Variants in MPPE1 observed in about 807,000 individuals in gnomAD.
The protein encoded by MPPE1 is metallo phosphoesterase.
In MPPE1, 28 loss-of-function variants were observed where a neutral mutation model predicts 43.8. That is an observed-to-expected ratio of 0.64 (90% CI 0.47 to 0.88). The LOEUF (loss-of-function observed/expected upper bound fraction) is 0.88, where lower values mean the gene tolerates loss of function less well. Ranked by LOEUF, MPPE1 falls within the 40% of genes least tolerant of loss-of-function variation. The pLI, the probability that MPPE1 is intolerant of heterozygous loss-of-function variation, is 0.00. For synonymous variants in MPPE1, 159 were observed against 188.5 expected, an observed-to-expected ratio of 0.84 and a Z score of 1.28; for missense variants, 428 against 492.2, an observed-to-expected ratio of 0.87 and a Z score of 1.23.
intron 2 of MPPE1, among the ~76,000 whole-genome samples, chr18:11,903,942 A>C (rs2039448736): frequency 6.6e-6 from 1 of 151,930 alleles, no homozygotes; most frequent in Non-Finnish European, 1.5e-5. Flanking sequence ...CCTGCTCAGA[A>C]ACTTGCCTCA....
chr18:11,904,444 A>G (rs973724048), intron 2 of MPPE1, among the ~76,000 whole-genome samples: 6 of 152,058 alleles, frequency 3.9e-5, no homozygotes, highest in African/African-American at 7.3e-5. Flanking sequence ...CCTCTGGAGC[A>G]GCTGGGATTA....
rs776408970 is a variant in MPPE1 at position 11,897,179 on chromosome 18, A to G, written c.86T>C (p.Val29Ala). ...ACAAAATAGAAGCACAGCAAAGACA[A>G]CAGCTATGAGTTTCAACAGCAATGA... Reference protein sequence around the residue: ...KSSLLLKLIAVVFAVLLFCEF... With the variant: ...KSSLLLKLIAAVFAVLLFCEF... The change falls in exon 3 of 11, where the codon GTT becomes GCT. Residue 29 changes from valine to alanine, a missense_variant. By Grantham distance (64) the Val-to-Ala change is moderately conservative (BLOSUM62 0). Around this residue, in one of 3 missense-constraint regions of MPPE1, gnomAD observed 48 missense variants for 73.5 expected, o/e 0.65. Transcript: ENST00000588072. The G allele has an allele frequency of 8.1e-6, 10 of 1,235,832 alleles. No individual in the cohort carries two copies. The South Asian group carries it at 1.3e-4, about 16-fold the overall frequency. The allele number at this position is 1,235,832 out of a possible 1,614,324, so 76.6% of individuals were successfully genotyped here. A position where few individuals can be genotyped will look rare whatever the true frequency, so the allele number is the denominator to read the frequency against.
chr18:11,898,190 T>C (rs1038042418), intron 2 of MPPE1, among the ~76,000 whole-genome samples: 8 of 152,322 alleles, frequency 5.3e-5, no homozygotes, highest in African/African-American at 1.7e-4. Context: ...TGCCTCGGCC[T>C]CCCAAGTAGC....
At chr18:11,895,186 T>A (rs997539185) in intron 3 of MPPE1, 1 of 152,288 alleles carries the variant, frequency 6.6e-6, no homozygotes, top group Non-Finnish European at 1.5e-5. Context: ...GACTCACACC[T>A]GTAATTTCAA....
intron 2 of MPPE1, among the ~76,000 whole-genome samples, chr18:11,898,234 A>G (rs570668537): frequency 1.5e-5 from 2 of 134,860 alleles, no homozygotes; most frequent in East Asian, 4.0e-4. Context: ...ACGTCCAGCT[A>G]ATTTTTGTAT....
intron 2 of MPPE1, among the ~76,000 whole-genome samples, chr18:11,900,286 G>A (rs540243385): frequency 1.3e-5 from 2 of 152,282 alleles, no homozygotes; most frequent in South Asian, 4.1e-4. Flanking sequence ...GGCGGAGGTT[G>A]CAGTGGGCCA....
intron 2 of MPPE1, among the ~76,000 whole-genome samples, chr18:11,899,548 T>C (rs1039729367): frequency 1.3e-5 from 2 of 152,090 alleles, no homozygotes; most frequent in Non-Finnish European, 2.9e-5. Flanking sequence ...AAGAGAAAAG[T>C]TGGTAAAAGG....
intron 4 of MPPE1, among the ~76,000 whole-genome samples, chr18:11,892,207 G>A (rs2038067295): frequency 6.6e-6 from 1 of 151,780 alleles, no homozygotes; most frequent in Non-Finnish European, 1.5e-5. Context: ...GGGCATGGTG[G>A]TGTGTGCCTG....
chr18:11,904,930 G>A (rs372311492), intron 2 of MPPE1, among the ~76,000 whole-genome samples: 12 of 151,840 alleles, frequency 7.9e-5, no homozygotes, highest in Admixed American at 1.3e-4. Context: ...GCGACAGAGC[G>A]AGACTCCATC....
intron 10 of MPPE1, 138 bp from the exon 11 acceptor site, chr18:11,884,765 C>T (rs921454117): frequency 1.1e-5 from 15 of 1,321,136 alleles, no homozygotes; most frequent in Non-Finnish European, 1.4e-5. Context: ...TCACCTGAGA[C>T]CAAGGGGGCC....
At chr18:11,893,636 G>T in intron 3 of MPPE1, 60 bp from the exon 4 acceptor site, 2 of 1,349,730 alleles carry the variant, frequency 1.5e-6, no homozygotes, top group Non-Finnish European at 1.1e-6. Context: ...GGCTACTTCT[G>T]TATTATGCAC....
At chr18:11,900,750 A>AC (rs2039087031) in intron 2 of MPPE1, among the ~76,000 whole-genome samples, 1 of 151,896 alleles carries the variant, frequency 6.6e-6, no homozygotes, top group African/African-American at 2.4e-5. Flanking sequence ...TACTAAAAAT[A>AC]CAAAAAATTA....
Position 11,885,574 on chromosome 18 carries a change from G to A in MPPE1, c.1008+102C>T, listed in dbSNP as rs899892298. 8 of 1,406,512 alleles carry A rather than the reference G, an allele frequency of 5.7e-6. No homozygotes were observed. In the African/African-American group the frequency reaches 8.6e-5, roughly 15 times the overall value. The allele number at this position is 1,406,512 out of a possible 1,614,324, so 87.1% of individuals were successfully genotyped here. A position where few individuals can be genotyped will look rare whatever the true frequency, so the allele number is the denominator to read the frequency against. On this transcript the variant is annotated intron_variant, in intron 10 of 10. Transcript: ENST00000588072. The stretch of plus-strand genomic sequence containing the variant: ...GTAGAAGGAGAGAAATTTGTGTGTG[G>A]CTTTTGTAAATTTTGACCGATTGCA...
chr18:11,901,683 A>G (rs1226070238), intron 2 of MPPE1, among the ~76,000 whole-genome samples: 1 of 151,984 alleles, frequency 6.6e-6, no homozygotes, highest in Non-Finnish European at 1.5e-5. Context: ...TCCACTAAAT[A>G]CAAAAATTAG....
chr18:11,889,514 G>C lies in MPPE1; in HGVS notation c.391-24C>G, dbSNP rs780641140. On this transcript the variant is annotated intron_variant, in intron 4 of 10. Coordinates refer to ENST00000588072, the MANE Select transcript of MPPE1 (RefSeq NM_023075.6). Reference sequence around the variant, plus strand: ...GCCTGAGGGAAAAAGAATCACTGCTGAGAGCCAGAGAACCATCTCTGCCCT... The same window carrying C: ...GCCTGAGGGAAAAAGAATCACTGCTCAGAGCCAGAGAACCATCTCTGCCCT... 3 of 1,561,240 alleles carry C rather than the reference G, an allele frequency of 1.9e-6. No homozygotes were observed. The South Asian group carries it at 3.4e-5, about 18-fold the overall frequency.
intron 2 of MPPE1, among the ~76,000 whole-genome samples, chr18:11,901,430 C>T (rs2039191297): frequency 6.6e-6 from 1 of 151,820 alleles, no homozygotes; most frequent in Non-Finnish European, 1.5e-5. Flanking sequence ...GGAGTTTCAC[C>T]ACATTGGCCA....
intron 2 of MPPE1, among the ~76,000 whole-genome samples, chr18:11,898,074 T>C (rs2038778849): frequency 6.6e-6 from 1 of 152,026 alleles, no homozygotes; most frequent in Non-Finnish European, 1.5e-5. Context: ...TTTGTTTTGT[T>C]TTGTTTTGTT....
At position 11,886,813 on chromosome 18, in the gene MPPE1, C is replaced by G. The variant is rs370749082; in HGVS notation, c.679-35G>C. The G allele has an allele frequency of 1.0e-5, 16 of 1,604,982 alleles. No homozygotes were observed. Among genetic ancestry groups the G allele is most frequent in the African/African-American group, 1.3e-5 (1 of 74,652 alleles). ...ACAAGTCAGGCCATTAATCCGCACA[C>G]CTGACCCTCATCAAAGGGCAAGAAG... On this transcript the variant is annotated intron_variant, in intron 7 of 10. Transcript: ENST00000588072. This position sits in a 1 kb window ranked among gnomAD's most constrained non-coding sequence, Gnocchi z 4.1.
intron 4 of MPPE1, 180 bp downstream of exon 4, chr18:11,893,288 A>C: frequency 1.8e-6 from 1 of 556,278 alleles, no homozygotes; most frequent in African/African-American, 1.9e-5. Flanking sequence ...TTGTTCTAAT[A>C]ATCTTAGATA....
Sources: allele counts gnomAD v4.1 joint callset (sites outside exome capture counted in the v4.1 genomes callset), GRCh38; gene constraint gnomAD v4.1.1; regional missense constraint gnomAD v4.1.1; non-coding constraint Gnocchi (gnomAD v3.1); transcripts MANE v1.5; gene names NCBI Gene and HGNC (gene_info 2026-07-23, HGNC 2026-07-21).